The following EPB41L3 variants were observed in gnomAD, a reference collection of about 807,000 sequenced individuals.
EPB41L3 encodes band 4.1-like protein 3.
EPB41L3 carries 57 observed loss-of-function variants against 127.1 expected under a neutral mutation model. The ratio of observed to expected loss-of-function variants is 0.45; its 90% CI spans 0.36 to 0.56. The LOEUF is 0.56. EPB41L3 is among the 20% of genes least tolerant of loss of function. The probability of loss-of-function intolerance (pLI) is 0.00; values close to 1 mark genes in which losing one functional copy is unlikely to be tolerated. For missense variants in EPB41L3, 1,273 were observed against 1,372.2 expected (o/e 0.93, Z 1.14); for synonymous variants, 572 against 549.5 (o/e 1.04, Z -0.57).
At chr18:5,394,523 A>G in intron 22 of EPB41L3, 154 bp downstream of exon 22, 2 of 594,580 alleles carry the variant, frequency 3.4e-6, no homozygotes, top group Non-Finnish European at 5.9e-6. Context: ...TGTGAGACAA[A>G]CCCATAAACC....
At chr18:5,588,535 G>GTATA (rs5822865) in intron 3 of EPB41L3, among the ~76,000 whole-genome samples, 3 of 149,982 alleles carry the variant, frequency 2.0e-5, no homozygotes, top group African/African-American at 4.9e-5. Flanking sequence ...GTAAATATGT[G>GTATA]TATATATATA....
Position 5,424,841 on chromosome 18 carries a change from T to A in EPB41L3, c.1066-482A>T, listed in dbSNP as rs1006696773. Among the ~76,000 whole-genome samples, 3 of 152,224 alleles carry A rather than the reference T, an allele frequency of 2.0e-5. No individual in the cohort carries two copies. In the East Asian group the frequency reaches 5.8e-4, roughly 29 times the overall value. On this transcript the variant is annotated intron_variant, in intron 9 of 22. Transcript: ENST00000341928. ...GGAAATATGTGTATTTCTTAGGTAGTTGATAACTTGGTGTCAGAGATTGCT... is the reference window on the plus strand; with the variant it reads ...GGAAATATGTGTATTTCTTAGGTAGATGATAACTTGGTGTCAGAGATTGCT...
Position 5,416,124 on chromosome 18 carries a change from G to A in EPB41L3, c.1761C>T (p.Ser587=). The part of the protein sequence containing the change: ...QQTGKGTTLF[S]FSLQLPESFP... ...ATGACTCAGGGAGCTGCAAGGAGAAGGAGAACAGGGTGGTCCCCTTGCCAG... is the reference window on the plus strand; with the variant it reads ...ATGACTCAGGGAGCTGCAAGGAGAAAGAGAACAGGGTGGTCCCCTTGCCAG... The change falls in exon 13 of 23, where the codon TCC becomes TCT. Residue 587 remains serine, a synonymous_variant. Transcript: ENST00000341928. The A allele has an allele frequency of 1.2e-6, 2 of 1,613,208 alleles. No individual in the cohort carries two copies. Among genetic ancestry groups the A allele is most frequent in the South Asian group, 1.1e-5 (1 of 91,038 alleles).
intron 1 of EPB41L3, among the ~76,000 whole-genome samples, chr18:5,523,571 G>T (rs754428260): frequency 4.6e-5 from 7 of 152,056 alleles, no homozygotes; most frequent in Admixed American, 2.0e-4. Flanking sequence ...AACCAAAGCG[G>T]GCGGATCACC....
chr18:5,574,380 GTT>G (rs5822863), intron 3 of EPB41L3, among the ~76,000 whole-genome samples: 329 of 142,484 alleles, frequency 2.3e-3, no homozygotes, highest in African/African-American at 7.4e-3. Context: ...GCTAGAATCA[GTT>G]TTTTTTTTTT....
intron 3 of EPB41L3, among the ~76,000 whole-genome samples, chr18:5,472,815 A>G (rs536630111): frequency 2.0e-5 from 3 of 152,336 alleles, no homozygotes; most frequent in African/African-American, 7.2e-5. Flanking sequence ...ATCACAGGCA[A>G]GACAGAGTAT....
At chr18:5,629,840 G>A (rs977336543), upstream of EPB41L3, among the ~76,000 whole-genome samples, 1 of 152,234 alleles carries the variant, frequency 6.6e-6, no homozygotes, top group African/African-American at 2.4e-5. Flanking sequence ...GCGAGGGCGG[G>A]GAGGGGAGTG....
intron 1 of EPB41L3, among the ~76,000 whole-genome samples, chr18:5,541,777 A>T (rs986900124): frequency 2.0e-5 from 3 of 152,264 alleles, no homozygotes; most frequent in African/African-American, 4.8e-5. Flanking sequence ...CAAATATTTC[A>T]TTGAGACACT....
chr18:5,437,799 T>C (rs192846453), intron 6 of EPB41L3, among the ~76,000 whole-genome samples: 80 of 152,256 alleles, frequency 5.3e-4, no homozygotes, highest in African/African-American at 1.9e-3. Flanking sequence ...TTCTGCAAGT[T>C]TTCCCACCAG....
At chr18:5,505,820 C>T (rs2092141144) in intron 1 of EPB41L3, among the ~76,000 whole-genome samples, 1 of 137,666 alleles carries the variant, frequency 7.3e-6, no homozygotes, top group Non-Finnish European at 1.6e-5. Context: ...TCCCTCTACA[C>T]CTTCACCTCC....
intron 1 of EPB41L3, among the ~76,000 whole-genome samples, chr18:5,620,031 AC>A (rs2094842436): frequency 6.6e-6 from 1 of 152,100 alleles, no homozygotes; most frequent in South Asian, 2.1e-4. Context: ...CCATAGCAAA[AC>A]CTGTGTAAAG....
chr18:5,579,828 G>A (rs1486085107), intron 3 of EPB41L3, among the ~76,000 whole-genome samples: 1 of 152,198 alleles, frequency 6.6e-6, no homozygotes, highest in Non-Finnish European at 1.5e-5. Context: ...GTCTCTAGAT[G>A]GGAATGTTTC....
At chr18:5,486,100 G>T (rs536142331) in intron 2 of EPB41L3, among the ~76,000 whole-genome samples, 1 of 152,036 alleles carries the variant, frequency 6.6e-6, no homozygotes, top group Admixed American at 6.5e-5. Context: ...TTACTACAAA[G>T]CTATAATAAT....
chr18:5,491,611 C>T (rs771188677), intron 1 of EPB41L3, among the ~76,000 whole-genome samples: 1 of 152,170 alleles, frequency 6.6e-6, no homozygotes, highest in Non-Finnish European at 1.5e-5. Flanking sequence ...TAATACCTTA[C>T]CTGTTGTATA....
chr18:5,550,365 A>G (rs2093947361), intron 3 of EPB41L3, among the ~76,000 whole-genome samples: 1 of 152,218 alleles, frequency 6.6e-6, no homozygotes, highest in African/African-American at 2.4e-5. Flanking sequence ...TTATTTCAGA[A>G]AAACAATATC....
At chr18:5,602,594 G>T (rs950488360) in intron 3 of EPB41L3, among the ~76,000 whole-genome samples, 7 of 152,140 alleles carry the variant, frequency 4.6e-5, no homozygotes, top group Non-Finnish European at 1.0e-4. Context: ...ACAGGCATGT[G>T]CCACCATGCC....
rs749048325 is a variant in EPB41L3, at chr18:5,478,291, G to T, written c.331C>A (p.Gln111Lys). 1 of 1,614,094 alleles carries T rather than the reference G, an allele frequency of 6.2e-7. No individual in the cohort carries two copies. The highest frequency in any genetic ancestry group is 1.1e-5 in the South Asian group (1 of 91,068). Residue 111 changes from glutamine (Q) to lysine (K), a missense_variant, in exon 3 of 23, where the codon CAG (glutamine) becomes AAG (lysine). Around this residue, in one of 3 missense-constraint regions of EPB41L3, gnomAD observed 182 missense variants for 149.2 expected, o/e 1.22. Coordinates refer to ENST00000341928, the MANE Select transcript of EPB41L3 (RefSeq NM_012307.5). ...LKIVKKPKSM[Q>K]CKVILLDGSE... ...CCATCGAGAAGTATCACTTTGCACTGCATGCTTTTAGGCTTTTTGACAATC... is the reference window on the plus strand; with the variant it reads ...CCATCGAGAAGTATCACTTTGCACTTCATGCTTTTAGGCTTTTTGACAATC...
chr18:5,554,518 T>C (rs1219346410), intron 3 of EPB41L3, among the ~76,000 whole-genome samples: 1 of 152,156 alleles, frequency 6.6e-6, no homozygotes, highest in Non-Finnish European at 1.5e-5. Context: ...GACATAGTTA[T>C]ATGCAACATA....
intron 3 of EPB41L3, among the ~76,000 whole-genome samples, chr18:5,472,240 G>A (rs1257621908): frequency 6.6e-6 from 1 of 152,166 alleles, no homozygotes; most frequent in East Asian, 1.9e-4. Context: ...AATGGTAATT[G>A]TGTAAATGAG....
Sources: gnomAD v4.1 joint callset for allele counts (sites outside exome capture counted in the v4.1 genomes callset) on GRCh38, gnomAD v4.1.1 for gene constraint, gnomAD v4.1.1 regional missense constraint, MANE v1.5 for transcripts, NCBI Gene and HGNC (gene_info 2026-07-23, HGNC 2026-07-21) for gene names.